Variants in UBE3D observed in about 807,000 individuals in gnomAD.
UBE3D encodes the protein ubiquitin protein ligase E3D, also known as E3 ubiquitin-protein ligase E3D.
UBE3D carries 48 observed loss-of-function variants against 49.6 expected under a neutral mutation model. That is an observed-to-expected ratio of 0.97 (90% CI 0.77 to 1.23). The LOEUF is 1.23. Among genes scored for constraint, UBE3D ranks in the 50% most tolerant of loss-of-function variants. The pLI, the probability that UBE3D is intolerant of heterozygous loss-of-function variation, is 0.00. For synonymous variants in UBE3D, 189 were observed against 174.2 expected (o/e 1.08, Z -0.67); for missense variants, 452 against 468.4 (o/e 0.96, Z 0.32).
At chr6:82,980,770 G>A (rs1778061945) in intron 8 of UBE3D, among the ~76,000 whole-genome samples, 1 of 151,872 alleles carries the variant, frequency 6.6e-6, no homozygotes, top group Non-Finnish European at 1.5e-5. Context: ...TTCATTCTTT[G>A]CATATGGATT....
intron 5 of UBE3D, among the ~76,000 whole-genome samples, chr6:83,030,584 G>A (rs1359539246): frequency 3.9e-5 from 6 of 152,122 alleles, no homozygotes; most frequent in Admixed American, 1.3e-4. Flanking sequence ...GCATGAGAAC[G>A]GACTAATACA....
chr6:82,890,333 C>G (rs1463816698), downstream of UBE3D, among the ~76,000 whole-genome samples: 5 of 152,216 alleles, frequency 3.3e-5, no homozygotes, highest in East Asian at 9.7e-4. Flanking sequence ...CCTATAGCCC[C>G]AAAGTAGACT....
intron 3 of UBE3D, among the ~76,000 whole-genome samples, chr6:83,048,503 C>G (rs1582744647): frequency 6.6e-6 from 1 of 152,258 alleles, no homozygotes; most frequent in Non-Finnish European, 1.5e-5. Context: ...CAAAAGACAA[C>G]AATGTCAAAA....
At chr6:82,889,452 A>G (rs903199233), downstream of UBE3D, among the ~76,000 whole-genome samples, 3 of 152,190 alleles carry the variant, frequency 2.0e-5, no homozygotes, top group Non-Finnish European at 2.9e-5. Flanking sequence ...CTTTGCTAAT[A>G]TCGGTGGATC....
rs1783650693 is a variant in UBE3D, at chr6:83,054,061, C to T, written c.365+87G>A. 13 of 1,124,034 alleles carry T rather than the reference C, an allele frequency of 1.2e-5. No individual in the cohort carries two copies. The South Asian group carries it at 1.5e-4, about 13-fold the overall frequency. The allele number at this position is 1,124,034 out of a possible 1,614,324, so 69.6% of individuals were successfully genotyped here. ...CTCACTTTAAGGCCATATACTACTC[C>T]ATTGGCAATTACTTGAAAAATTCTG... is the stretch of plus-strand genomic sequence containing the variant. On this transcript the variant is annotated intron_variant, in intron 3 of 9. Coordinates refer to ENST00000369747, the MANE Select transcript of UBE3D (RefSeq NM_198920.3).
chr6:82,995,421 T>C (rs529123198), intron 8 of UBE3D, among the ~76,000 whole-genome samples: 1 of 150,814 alleles, frequency 6.6e-6, no homozygotes, highest in Non-Finnish European at 1.5e-5. Context: ...AATTATATAA[T>C]TTAAAAGTAA....
intron 9 of UBE3D, among the ~76,000 whole-genome samples, chr6:82,915,793 C>T (rs1772875689): frequency 6.6e-6 from 1 of 152,176 alleles, no homozygotes; most frequent in Admixed American, 6.5e-5. Context: ...TCACTGGAAA[C>T]TGAGACAGAC....
intron 8 of UBE3D, among the ~76,000 whole-genome samples, chr6:82,959,717 CAAAAAAAAAAA>C (rs778278435): frequency 2.1e-4 from 8 of 37,718 alleles, no homozygotes; most frequent in Admixed American, 8.2e-4. Flanking sequence ...GTGAGACCTC[CAAAAAAAAAAA>C]AAAAAAAAAA....
intron 8 of UBE3D, among the ~76,000 whole-genome samples, chr6:82,959,117 C>T (rs935574297): frequency 6.6e-6 from 1 of 151,448 alleles, no homozygotes; most frequent in Non-Finnish European, 1.5e-5. Context: ...ATCTTGATCG[C>T]TTGCTGCATG....
rs575966115 is a variant in UBE3D, at chr6:82,919,518, C to T, written c.1150-26476G>A. ...ACTTGGGAGGCTGAGGTGGTGTGAA[C>T]CCAGGAGGTGGAGCTTGCAGTGAGC... On this transcript the variant is annotated intron_variant, in intron 9 of 9. Transcript: ENST00000369747. Among the ~76,000 whole-genome samples the T allele has an allele frequency of 6.3e-3, 959 of 151,994 alleles. 8 individuals are homozygous for T. Among genetic ancestry groups the T allele is most frequent in the South Asian group, 0.016 (75 of 4,798 alleles).
chr6:83,059,347 G>A (rs1784019101), intron 1 of UBE3D, among the ~76,000 whole-genome samples: 1 of 152,174 alleles, frequency 6.6e-6, no homozygotes, highest in African/African-American at 2.4e-5. Context: ...TCACGCCAAT[G>A]CATGTCAGCC....
intron 8 of UBE3D, among the ~76,000 whole-genome samples, chr6:82,978,941 A>G (rs1049933328): frequency 6.6e-6 from 1 of 152,160 alleles, no homozygotes; most frequent in Non-Finnish European, 1.5e-5. Flanking sequence ...ATGAAAGTCT[A>G]TGCAGGAAAG....
intron 1 of UBE3D, among the ~76,000 whole-genome samples, chr6:83,062,003 G>C (rs924871203): frequency 1.3e-5 from 2 of 152,140 alleles, no homozygotes; most frequent in South Asian, 4.1e-4. Context: ...TTTCTCATTT[G>C]AAATAAAAGA....
chr6:82,953,590 A>C (rs943202538), intron 9 of UBE3D, among the ~76,000 whole-genome samples: 2 of 152,168 alleles, frequency 1.3e-5, no homozygotes, highest in African/African-American at 2.4e-5. Flanking sequence ...GGCTGTGTCC[A>C]TCTGCATTTT....
intron 8 of UBE3D, among the ~76,000 whole-genome samples, chr6:82,962,416 C>G (rs1244858186): frequency 6.6e-6 from 1 of 152,152 alleles, no homozygotes; most frequent in Non-Finnish European, 1.5e-5. Flanking sequence ...CACTCTGGAG[C>G]CTAATTTCCT....
chr6:83,040,424 CA>C (rs1322332132), intron 4 of UBE3D, among the ~76,000 whole-genome samples: 1 of 151,336 alleles, frequency 6.6e-6, no homozygotes, highest in African/African-American at 2.4e-5. Flanking sequence ...TATATTCAAT[CA>C]GGGGTCAAAG....
chr6:82,920,326 CA>C (rs1300833762), intron 9 of UBE3D, among the ~76,000 whole-genome samples: 3 of 152,118 alleles, frequency 2.0e-5, no homozygotes, highest in Admixed American at 1.3e-4. Flanking sequence ...TCTTAGAGGA[CA>C]AAAAGTAGTA....
intron 1 of UBE3D, among the ~76,000 whole-genome samples, chr6:83,058,630 AC>A (rs1783969093): frequency 6.6e-6 from 1 of 152,258 alleles, no homozygotes; most frequent in African/African-American, 2.4e-5. Flanking sequence ...CAACAGAGGT[AC>A]AAAGTACCAT....
At chr6:82,955,176 G>A (rs1776075533) in intron 9 of UBE3D, among the ~76,000 whole-genome samples, 1 of 152,106 alleles carries the variant, frequency 6.6e-6, no homozygotes, top group African/African-American at 2.4e-5. Context: ...TCCTTAAAGG[G>A]GGCAAGGCCT....
Sources: gnomAD v4.1 joint callset for allele counts (sites outside exome capture counted in the v4.1 genomes callset) on GRCh38, gnomAD v4.1.1 for gene constraint, MANE v1.5 for transcripts, NCBI Gene and HGNC (gene_info 2026-07-23, HGNC 2026-07-21) for gene names.